The following LINGO2 variants were observed in gnomAD, a reference collection of about 807,000 sequenced individuals.
The protein encoded by LINGO2 is leucine-rich repeat and immunoglobulin-like domain-containing nogo receptor-interacting protein 2.
Under a neutral mutation model 30.6 loss-of-function variants are expected in LINGO2, and 14 were observed. The observed-to-expected ratio is 0.46, with a 90% CI of 0.30 to 0.72. The LOEUF is 0.72. Among genes scored for constraint, LINGO2 ranks in the 30% least tolerant of loss-of-function variants. LINGO2 has a pLI of 0.07. For synonymous variants in LINGO2, 317 were observed against 288.5 expected (o/e 1.10, Z -1.00); for missense variants, 729 against 751.7 (o/e 0.97, Z 0.35).
the LINGO2 span, among the ~76,000 whole-genome samples, chr9:28,890,419 C>T: frequency 6.6e-6 from 1 of 152,014 alleles, no homozygotes; most frequent in Non-Finnish European, 1.5e-5. Flanking sequence ...GCCATGGAGA[C>T]CTGATCAAAG....
At chr9:28,814,026 G>A in the LINGO2 span, among the ~76,000 whole-genome samples, 1 of 152,124 alleles carries the variant, frequency 6.6e-6, no homozygotes, top group South Asian at 2.1e-4. Flanking sequence ...AATACTTACT[G>A]ATAACAAGCC....
intron 4 of LINGO2, among the ~76,000 whole-genome samples, chr9:28,068,480 T>C (rs929776480): frequency 2.6e-5 from 4 of 152,148 alleles, no homozygotes; most frequent in Non-Finnish European, 4.4e-5. Context: ...CATCTCCAAA[T>C]ACCATTACAT....
chr9:28,575,450 C>T (rs112513154), intron 1 of LINGO2, among the ~76,000 whole-genome samples: 4 of 151,530 alleles, frequency 2.6e-5, no homozygotes, highest in African/African-American at 9.7e-5. Flanking sequence ...ACCACGTTTT[C>T]ACTCATAAGA....
chr9:28,769,781 C>T, the LINGO2 span, among the ~76,000 whole-genome samples: 1 of 150,590 alleles, frequency 6.6e-6, no homozygotes, highest in East Asian at 1.9e-4. Flanking sequence ...TCTTTTCTGA[C>T]CTGCAATCTT....
At chr9:29,057,043 T>C in the LINGO2 span, among the ~76,000 whole-genome samples, 28 of 152,286 alleles carry the variant, frequency 1.8e-4, no homozygotes, top group East Asian at 3.7e-3. Context: ...TTCTATTTGT[T>C]TAGTCTTGCT....
chr9:28,026,202 C>A (rs1004478152), intron 4 of LINGO2, among the ~76,000 whole-genome samples: 1 of 152,218 alleles, frequency 6.6e-6, no homozygotes, highest in African/African-American at 2.4e-5. Flanking sequence ...TAAGTGTACT[C>A]ATGCCCTTTT....
chr9:28,351,953 C>T (rs1342832955), intron 3 of LINGO2, among the ~76,000 whole-genome samples: 1 of 151,278 alleles, frequency 6.6e-6, no homozygotes, highest in African/African-American at 2.4e-5. Flanking sequence ...TTCAACAACC[C>T]TTCATGCTAA....
At chr9:28,671,301 T>C (rs75817425), upstream of LINGO2, among the ~76,000 whole-genome samples, 1,412 of 151,918 alleles carry the variant, frequency 9.3e-3, 21 homozygotes, top group African/African-American at 0.033. Flanking sequence ...TAAAAAGGGA[T>C]GGTAGAAAGA....
intron 3 of LINGO2, among the ~76,000 whole-genome samples, chr9:28,346,523 G>A (rs1020427532): frequency 1.3e-5 from 2 of 152,080 alleles, no homozygotes; most frequent in Admixed American, 6.5e-5. Context: ...CTTTAGAGTG[G>A]AACAATTTAT....
chr9:28,618,552 T>C (rs113519630), intron 1 of LINGO2, among the ~76,000 whole-genome samples: 2 of 152,190 alleles, frequency 1.3e-5, no homozygotes, highest in Admixed American at 6.5e-5. Flanking sequence ...TTCTTCATCA[T>C]AAATTAAACA....
chr9:28,159,617 A>T (rs953857348), intron 4 of LINGO2, among the ~76,000 whole-genome samples: 1 of 124,680 alleles, frequency 8.0e-6, no homozygotes, highest in African/African-American at 3.1e-5. Flanking sequence ...ATTTTCTTGA[A>T]TTTCATACTG....
At chr9:28,380,307 T>A (rs1447085243) in intron 2 of LINGO2, among the ~76,000 whole-genome samples, 1 of 151,412 alleles carries the variant, frequency 6.6e-6, no homozygotes, top group Non-Finnish European at 1.5e-5. Context: ...CCAATTTCCA[T>A]AAGGCCACCA....
chr9:28,559,355 T>C (rs1822918201), intron 1 of LINGO2, among the ~76,000 whole-genome samples: 3 of 152,126 alleles, frequency 2.0e-5, no homozygotes, highest in African/African-American at 7.2e-5. Flanking sequence ...ATATGTCCCA[T>C]TTCACCCAGG....
the LINGO2 span, among the ~76,000 whole-genome samples, chr9:28,739,624 ACT>A: frequency 1.3e-5 from 2 of 151,784 alleles, no homozygotes; most frequent in African/African-American, 4.8e-5. Context: ...ATATTATGAA[ACT>A]CTAATAAATA....
At chr9:28,985,920 TA>T in the LINGO2 span, among the ~76,000 whole-genome samples, 5 of 151,958 alleles carry the variant, frequency 3.3e-5, no homozygotes, top group African/African-American at 9.7e-5. Context: ...GGGGGTCAAA[TA>T]AAAAAAGTTA....
At chr9:28,216,502 G>A (rs189191645) in intron 4 of LINGO2, among the ~76,000 whole-genome samples, 259 of 152,046 alleles carry the variant, frequency 1.7e-3, no homozygotes, top group African/African-American at 5.1e-3. Context: ...AATGGCGGTT[G>A]CATTGTAAAA....
At chr9:28,238,583 T>G (rs79895963) in intron 4 of LINGO2, among the ~76,000 whole-genome samples, 3,932 of 152,090 alleles carry the variant, frequency 0.026, 122 homozygotes, top group East Asian at 0.12. Flanking sequence ...AAATTGGAAT[T>G]TTTTTCAAAA....
intron 4 of LINGO2, among the ~76,000 whole-genome samples, chr9:28,255,151 TTTC>T (rs1822339688): frequency 6.6e-6 from 1 of 152,104 alleles, no homozygotes; most frequent in Non-Finnish European, 1.5e-5. Context: ...TATGTTTTCC[TTTC>T]TTCTCTTTTT....
At chr9:28,298,544 G>A (rs923779128) in intron 3 of LINGO2, among the ~76,000 whole-genome samples, 1 of 151,262 alleles carries the variant, frequency 6.6e-6, no homozygotes, top group Non-Finnish European at 1.5e-5. Context: ...TTAGCTGGGA[G>A]TGGTGGTGCA....
Sources: gnomAD v4.1 joint callset for allele counts (sites outside exome capture counted in the v4.1 genomes callset) on GRCh38, gnomAD v4.1.1 for gene constraint, MANE v1.5 for transcripts, NCBI Gene and HGNC (gene_info 2026-07-23, HGNC 2026-07-21) for gene names.